Variants in HDAC4 observed in about 807,000 individuals in gnomAD.
The protein encoded by HDAC4 is histone deacetylase 4.
In HDAC4, 16 loss-of-function variants were observed where a neutral mutation model predicts 135.1. The observed-to-expected ratio is 0.12, with a 90% CI of 0.08 to 0.18. HDAC4 has a LOEUF of 0.18. HDAC4 is among the 10% of genes least tolerant of loss of function. The pLI, the probability that HDAC4 is intolerant of heterozygous loss-of-function variation, is 1.00. For missense variants in HDAC4, 1,143 were observed against 1,511.8 expected (o/e 0.76, Z 4.05); for synonymous variants, 685 against 653.4 (o/e 1.05, Z -0.74).
At chr2:239,374,142 G>C (rs567700434) in intron 1 of HDAC4, among the ~76,000 whole-genome samples, 1 of 152,324 alleles carries the variant, frequency 6.6e-6, no homozygotes, top group African/African-American at 2.4e-5. Context: ...AAGCAGAGGC[G>C]ATCAGGCAGC....
chr2:239,368,100 T>A (rs1216795418), intron 1 of HDAC4, among the ~76,000 whole-genome samples: 1 of 152,234 alleles, frequency 6.6e-6, no homozygotes, highest in East Asian at 1.9e-4. Flanking sequence ...TGAACACTTC[T>A]GGTCCCAAGC....
intron 2 of HDAC4, among the ~76,000 whole-genome samples, chr2:239,260,246 A>T (rs1288393539): frequency 6.6e-6 from 1 of 152,180 alleles, no homozygotes; most frequent in Non-Finnish European, 1.5e-5. Flanking sequence ...GCTCATGCAA[A>T]AGCATCGCAT....
intron 2 of HDAC4, among the ~76,000 whole-genome samples, chr2:239,294,408 A>T (rs2051722988): frequency 2.0e-5 from 3 of 152,096 alleles, no homozygotes; most frequent in African/African-American, 7.3e-5. Flanking sequence ...GGGAGTCTGG[A>T]GCCTACCTGG....
intron 2 of HDAC4, among the ~76,000 whole-genome samples, chr2:239,339,368 G>T (rs771243476): frequency 2.0e-5 from 3 of 152,196 alleles, no homozygotes; most frequent in Non-Finnish European, 1.5e-5. Context: ...ATGAAAGGAA[G>T]CAACCTCAGC....
intron 2 of HDAC4, among the ~76,000 whole-genome samples, chr2:239,249,941 C>G (rs528807885): frequency 6.6e-6 from 1 of 152,326 alleles, no homozygotes; most frequent in African/African-American, 2.4e-5. Flanking sequence ...CCCGCGACAG[C>G]TGTGCTCCTT....
chr2:239,084,665 CCACA>C (rs1260503935), intron 19 of HDAC4, among the ~76,000 whole-genome samples: 1 of 150,384 alleles, frequency 6.6e-6, no homozygotes, highest in Non-Finnish European at 1.5e-5. Context: ...GACACACACA[CCACA>C]GAGACACACC....
chr2:239,091,032 C>T (rs1189204469), intron 17 of HDAC4: 1 of 152,298 alleles, frequency 6.6e-6, no homozygotes, highest in Non-Finnish European at 1.5e-5. Context: ...GTACACGGCT[C>T]TGCCTGGACA....
At chr2:239,055,552 A>G (rs1374682070) in intron 24 of HDAC4, among the ~76,000 whole-genome samples, 2 of 152,136 alleles carry the variant, frequency 1.3e-5, no homozygotes, top group Non-Finnish European at 2.9e-5. Context: ...CTCTGTCTCT[A>G]CTAAAAATAC....
At chr2:239,282,173 A>ATG (rs2050808503) in intron 2 of HDAC4, among the ~76,000 whole-genome samples, 1 of 146,194 alleles carries the variant, frequency 6.8e-6, no homozygotes, top group African/African-American at 2.5e-5. Context: ...TGAACACACC[A>ATG]CTCTACACAC....
chr2:239,087,577 G>C lies in HDAC4; in HGVS notation c.2426C>G (p.Ala809Gly). 1 of 1,613,722 alleles carries C rather than the reference G, an allele frequency of 6.2e-7. No homozygotes were observed. Among genetic ancestry groups the C allele is most frequent in the Non-Finnish European group, 8.5e-7 (1 of 1,179,878 alleles). ...FAVVRPPGHH[A>G]EESTPMGFCY... ...TACTCACATGGGCGTGCTCTCCTCCGCATGGTGTCCAGGGGGGCGGACCAC... is the reference window on the plus strand; with the variant it reads ...TACTCACATGGGCGTGCTCTCCTCCCCATGGTGTCCAGGGGGGCGGACCAC... Residue 809 changes from alanine to glycine, a missense_variant, in exon 19 of 27, where the codon GCG becomes GGG. Transcript: ENST00000543185.
chr2:239,201,938 T>C lies in HDAC4; in HGVS notation c.95-11861A>G, dbSNP rs561382687. On this transcript the variant is annotated intron_variant, in intron 3 of 26. Coordinates refer to ENST00000543185, the MANE Select transcript of HDAC4 (RefSeq NM_001378414.1). ...CTGGCAGAAAAAAAGTCTAAGTAGA[T>C]GCATGCATAATAAGGTATGAACTCA... is the stretch of plus-strand genomic sequence containing the variant. 2.0e-5 allele frequency among the ~76,000 whole-genome samples: 3 copies of C among 152,340 alleles called. No homozygotes were observed. The East Asian group carries it at 5.8e-4, about 29-fold the overall frequency.
At chr2:239,101,673 G>T (rs980164354) in intron 16 of HDAC4, among the ~76,000 whole-genome samples, 1 of 152,200 alleles carries the variant, frequency 6.6e-6, no homozygotes, top group African/African-American at 2.4e-5. Context: ...CCTGGTTCAG[G>T]GTGGCTGGGA....
At chr2:239,145,838 A>G (rs1224202681) in intron 7 of HDAC4, among the ~76,000 whole-genome samples, 2 of 152,212 alleles carry the variant, frequency 1.3e-5, no homozygotes, top group African/African-American at 4.8e-5. Flanking sequence ...TGGCTGGGCG[A>G]TGGGGACCAA....
chr2:239,215,296 C>G (rs939486913), intron 3 of HDAC4, among the ~76,000 whole-genome samples: 1 of 152,168 alleles, frequency 6.6e-6, no homozygotes, highest in Non-Finnish European at 1.5e-5. Context: ...TCCACCAAGT[C>G]AACACTGGTG....
intron 1 of HDAC4, among the ~76,000 whole-genome samples, chr2:239,384,012 C>T (rs186466189): frequency 2.0e-5 from 3 of 152,300 alleles, no homozygotes; most frequent in African/African-American, 7.2e-5. Context: ...AGTAACGAGG[C>T]GCAGTCCACT....
chr2:239,287,325 T>C lies in HDAC4; in HGVS notation c.23-50661A>G, dbSNP rs536505689. ...TTTTAATGACCTTGACAGTTTAAAG[T>C]ACTTGATTGGGTGTTTGCTAGAATG... On this transcript the variant is annotated intron_variant, in intron 2 of 26. Coordinates refer to ENST00000543185, the MANE Select transcript of HDAC4 (RefSeq NM_001378414.1). Among the ~76,000 whole-genome samples, 39 of 152,352 alleles carry C rather than the reference T, an allele frequency of 2.6e-4. 1 individual carries two copies. In the East Asian group the frequency reaches 6.8e-3, roughly 26 times the overall value.
intron 11 of HDAC4, among the ~76,000 whole-genome samples, chr2:239,131,944 G>T (rs1234772228): frequency 6.6e-6 from 1 of 152,220 alleles, no homozygotes; most frequent in African/African-American, 2.4e-5. Context: ...GATACAGGAG[G>T]ACAGACCGGA....
chr2:239,135,425 G>C (rs1471569037), intron 9 of HDAC4, among the ~76,000 whole-genome samples: 1 of 152,146 alleles, frequency 6.6e-6, no homozygotes, highest in Non-Finnish European at 1.5e-5. Flanking sequence ...CTCAGGAAGG[G>C]GAAGGCGCTC....
chr2:239,329,549 G>C (rs1490278447), intron 2 of HDAC4, among the ~76,000 whole-genome samples: 3 of 140,922 alleles, frequency 2.1e-5, no homozygotes, highest in African/African-American at 7.6e-5. Flanking sequence ...GCTCCGGCTG[G>C]GGGAGGGAAG....
Sources: allele counts gnomAD v4.1 joint callset (sites outside exome capture counted in the v4.1 genomes callset), GRCh38; gene constraint gnomAD v4.1.1; transcripts MANE v1.5; gene names NCBI Gene and HGNC (gene_info 2026-07-23, HGNC 2026-07-21).